The following SLC6A15 variants were observed in gnomAD, a reference collection of about 807,000 sequenced individuals.
The protein encoded by SLC6A15 is solute carrier family 6 member 15.
In SLC6A15, 33 loss-of-function variants were observed where a neutral mutation model predicts 68.5. That is an observed-to-expected ratio of 0.48 (90% CI 0.37 to 0.64). SLC6A15 has a LOEUF of 0.64. Ranked by LOEUF, SLC6A15 falls within the 30% of genes least tolerant of loss-of-function variation. The pLI, the probability that SLC6A15 is intolerant of heterozygous loss-of-function variation, is 0.00. For missense variants in SLC6A15, 747 were observed against 874.3 expected (o/e 0.85, Z 1.84); for synonymous variants, 347 against 301.0 (o/e 1.15, Z -1.58).
At position 84,872,681 on chromosome 12, in the gene SLC6A15, T is replaced by C; in HGVS notation, c.1223A>G (p.Asp408Gly). ...TTCTTCTTTCACTTTTTGAATGATGTCATAAACTAAATGATAATCTTCTGC... is the reference window on the plus strand; with the variant it reads ...TTCTTCTTTCACTTTTTGAATGATGCCATAAACTAAATGATAATCTTCTGC... ...VTAEDYHLVY[D>G]IIQKVKEEEF... The change falls in exon 8 of 12, where the codon GAC becomes GGC. Residue 408 changes from aspartate to glycine, a missense_variant. By Grantham distance (94) the Asp-to-Gly change is moderately conservative. Transcript: ENST00000266682. 6.2e-7 allele frequency: 1 copy of C among 1,612,772 alleles called. No homozygotes were observed.
At chr12:84,890,075 A>G (rs1872318675) in intron 2 of SLC6A15, among the ~76,000 whole-genome samples, 1 of 152,198 alleles carries the variant, frequency 6.6e-6, no homozygotes, top group South Asian at 2.1e-4. Flanking sequence ...AGAAGACTCA[A>G]TGCCATACTG....
At chr12:84,891,637 G>A (rs1872397523) in intron 2 of SLC6A15, among the ~76,000 whole-genome samples, 195 bp downstream of exon 2, 1 of 152,132 alleles carries the variant, frequency 6.6e-6, no homozygotes, top group Admixed American at 6.5e-5. Flanking sequence ...AGCATTCACA[G>A]CAAGCCCATC....
chr12:84,886,416 C>A (rs1202572315), intron 2 of SLC6A15, among the ~76,000 whole-genome samples: 1 of 151,970 alleles, frequency 6.6e-6, no homozygotes, highest in Non-Finnish European at 1.5e-5. Flanking sequence ...TCCTAGAAAT[C>A]TTATTCACAC....
Position 84,872,809 on chromosome 12 carries a change from A to G in SLC6A15, c.1110-15T>C. On this transcript the variant is annotated splice_polypyrimidine_tract_variant and intron_variant, in intron 7 of 11. Transcript: ENST00000266682. ...TCTCTGAATTTCTGAAAAATAAAAC[A>G]ACATACAAATGAGCACATAAGAGTT... The G allele has an allele frequency of 1.9e-6, 3 of 1,589,188 alleles. No individual in the cohort carries two copies. The highest frequency in any genetic ancestry group is 2.2e-5 in the East Asian group (1 of 44,678).
intron 3 of SLC6A15, 28 bp from the exon 4 acceptor site, chr12:84,885,589 A>G (rs781662773): frequency 1.9e-6 from 3 of 1,579,668 alleles, no homozygotes; most frequent in African/African-American, 2.7e-5. Flanking sequence ...ATCCCATTAA[A>G]CCTCTCATAC....
In SLC6A15 at chr12:84,860,881, G is replaced by A. The variant is rs1429181368; in HGVS notation, c.*751C>T. On this transcript the variant is annotated 3_prime_UTR_variant, in exon 12 of 12. Transcript: ENST00000266682. ...TTGAAACCACAATAAATATCAAGTA[G>A]GTTTTTAGGCACACGGCATAAGAAA... 6.6e-6 allele frequency: 1 copy of A among 152,048 alleles called. No homozygotes were observed. Among genetic ancestry groups the A allele is most frequent in the African/African-American group, 2.4e-5 (1 of 41,400 alleles). The allele number at this position is 152,048 out of a possible 1,614,324, so 9.4% of individuals were successfully genotyped here.
At chr12:84,911,035 A>T (rs1281257727) in intron 1 of SLC6A15, among the ~76,000 whole-genome samples, 1 of 152,152 alleles carries the variant, frequency 6.6e-6, no homozygotes, top group Non-Finnish European at 1.5e-5. Flanking sequence ...TTAAGAACGT[A>T]CAAGTCAAGC....
In SLC6A15 at chr12:84,885,531, C is replaced by T. The variant is rs1872059029; in HGVS notation, c.478G>A (p.Val160Ile). 6.8e-6 allele frequency: 11 copies of T among 1,613,168 alleles called. No individual in the cohort carries two copies. The highest frequency in any genetic ancestry group is 2.2e-5 in the East Asian group (1 of 44,784). The change falls in exon 4 of 12, where the codon GTC (valine) becomes ATC (isoleucine). Residue 160 changes from valine (V) to isoleucine (I), a missense_variant. By Grantham distance (29) the Val-to-Ile change is conservative (BLOSUM62 3). Coordinates refer to ENST00000266682, the MANE Select transcript of SLC6A15 (RefSeq NM_182767.6). The part of the protein sequence containing the change: ...VCYFVALYYN[V>I]IIGWSLFYFS... ...TAAAACAAACTCCAGCCAATGATGA[C>T]GTTGTAGTAGAGAGCTACAAAATAG...
intron 1 of SLC6A15, among the ~76,000 whole-genome samples, chr12:84,910,928 CG>C (rs1873410247): frequency 1.4e-5 from 2 of 143,542 alleles, no homozygotes; most frequent in African/African-American, 5.7e-5. Flanking sequence ...GCCCTCTTTC[CG>C]TGTGTGTGTG....
In SLC6A15 at chr12:84,863,492, CA is replaced by C; in HGVS notation, c.1764del (p.Ser588ArgfsTer3). The C allele has an allele frequency of 6.3e-7, 1 of 1,595,238 alleles. No homozygotes were observed. Among genetic ancestry groups the C allele is most frequent in the Non-Finnish European group, 8.5e-7 (1 of 1,172,904 alleles). On this transcript the variant is annotated frameshift_variant, in exon 11 of 12. Coordinates refer to ENST00000266682, the MANE Select transcript of SLC6A15 (RefSeq NM_182767.6). LOFTEE classifies it high-confidence loss of function. The stretch of plus-strand genomic sequence containing the variant: ...GGAGGACTTAATCCCATATTCACAA[CA>C]CTAGCTATTAGCAATGATAATAGCA... The part of the protein sequence containing the change: ...PLMLLSLLIA[S>X]VVNMGLSPPG...
intron 1 of SLC6A15, among the ~76,000 whole-genome samples, chr12:84,894,629 T>C (rs1402669059): frequency 6.6e-6 from 1 of 152,116 alleles, no homozygotes; most frequent in Non-Finnish European, 1.5e-5. Context: ...CTTCTATACA[T>C]TTATATTCTT....
intron 1 of SLC6A15, among the ~76,000 whole-genome samples, chr12:84,894,407 C>T (rs1287951046): frequency 6.6e-6 from 1 of 152,074 alleles, no homozygotes; most frequent in African/African-American, 2.4e-5. Context: ...TGTGTAAATG[C>T]TGATAGTTAT....
intron 1 of SLC6A15, among the ~76,000 whole-genome samples, chr12:84,909,040 G>C (rs1036121837): frequency 6.6e-6 from 1 of 151,934 alleles, no homozygotes; most frequent in Non-Finnish European, 1.5e-5. Flanking sequence ...TAAATTCCTA[G>C]AACTGGAACA....
intron 8 of SLC6A15, among the ~76,000 whole-genome samples, chr12:84,871,848 T>C (rs1285534562): frequency 6.6e-6 from 1 of 152,070 alleles, no homozygotes; most frequent in Non-Finnish European, 1.5e-5. Flanking sequence ...TAATACAACA[T>C]AGCTAAGAAA....
intron 1 of SLC6A15, among the ~76,000 whole-genome samples, chr12:84,892,849 C>T (rs1213926548): frequency 2.6e-5 from 4 of 152,170 alleles, no homozygotes; most frequent in African/African-American, 9.7e-5. Flanking sequence ...GGCTGGAGTG[C>T]TGTGGCAAAA....
intron 5 of SLC6A15, 95 bp downstream of exon 5, chr12:84,883,764 G>A: frequency 6.2e-7 from 1 of 1,613,498 alleles, no homozygotes; most frequent in Non-Finnish European, 8.5e-7. Context: ...AGTGTTATGT[G>A]TGATTTGCCC....
chr12:84,861,707 A>G lies in SLC6A15; in HGVS notation c.2118T>C (p.Thr706=). Residue 706 remains threonine, a synonymous_variant, in exon 12 of 12, where the codon ACT becomes ACC. Transcript: ENST00000266682. The part of the protein sequence containing the change: ...RKQSGSPTLD[T]APNGRYGIGY... The stretch of plus-strand genomic sequence containing the variant: ...CTATTCCATACCGTCCATTGGGAGC[A>G]GTATCCAGAGTTGGGGATCCACTCT... 6.2e-7 allele frequency: 1 copy of G among 1,614,006 alleles called. No individual in the cohort carries two copies.
intron 1 of SLC6A15, among the ~76,000 whole-genome samples, chr12:84,897,025 C>G (rs1385622393): frequency 2.0e-5 from 3 of 151,818 alleles, no homozygotes; most frequent in Non-Finnish European, 4.4e-5. Flanking sequence ...ATTCCCTCTC[C>G]CCTAAAAAAA....
At chr12:84,901,541 T>C (rs1001895674) in intron 1 of SLC6A15, among the ~76,000 whole-genome samples, 7 of 151,882 alleles carry the variant, frequency 4.6e-5, no homozygotes, top group Admixed American at 2.6e-4. Flanking sequence ...ATTAACTCAA[T>C]ACTTTCTGCC....
Sources: allele counts gnomAD v4.1 joint callset (sites outside exome capture counted in the v4.1 genomes callset), GRCh38; gene constraint gnomAD v4.1.1; transcripts MANE v1.5; gene names NCBI Gene and HGNC (gene_info 2026-07-23, HGNC 2026-07-21).